Variants in TEX261 observed in about 807,000 individuals in gnomAD.
The protein encoded by TEX261 is testis expressed 261, also known as protein TEX261.
A neutral mutation model predicts 25.1 loss-of-function variants in TEX261; 13 were observed. The ratio of observed to expected loss-of-function variants is 0.52; its 90% CI spans 0.34 to 0.82. The LOEUF (loss-of-function observed/expected upper bound fraction) is 0.82, where lower values mean the gene tolerates loss of function less well. TEX261 is among the 40% of genes least tolerant of loss of function. TEX261 has a pLI of 0.02. For missense variants in TEX261, 206 were observed against 243.2 expected (o/e 0.85, Z 1.02); for synonymous variants, 92 against 97.8 (o/e 0.94, Z 0.35).
Position 70,988,405 on chromosome 2 carries a change from GT to G in TEX261, c.*194del. ...GCCACCCTCCTTGGTGCCCTCTGAGGTTACAGCCTCTTGAAGCATCAGATCT... is the reference window on the plus strand; with the variant it reads ...GCCACCCTCCTTGGTGCCCTCTGAGGTACAGCCTCTTGAAGCATCAGATCT... On this transcript the variant is annotated 3_prime_UTR_variant, in exon 6 of 6. Transcript: ENST00000272438. 1.7e-6 allele frequency: 1 copy of G among 578,940 alleles called. No individual in the cohort carries two copies. Among genetic ancestry groups the G allele is most frequent in the Non-Finnish European group, 3.1e-6 (1 of 323,948 alleles). 35.9% of individuals were successfully genotyped at this position (578,940 alleles called of 1,614,324 possible).
At chr2:70,992,014 C>A in intron 2 of TEX261, 31 bp from the exon 3 acceptor site, 1 of 1,543,458 alleles carries the variant, frequency 6.5e-7, no homozygotes, top group Non-Finnish European at 8.7e-7. Flanking sequence ...CAGTGCAGGG[C>A]GCTTCTTCCA....
chr2:70,992,027 C>G (rs782102935), intron 2 of TEX261, 44 bp from the exon 3 acceptor site: 1 of 1,530,396 alleles, frequency 6.5e-7, no homozygotes, highest in Admixed American at 2.0e-5. Flanking sequence ...TTCTTCCAGG[C>G]AACGTTCCTG....
At chr2:70,994,662 C>T in intron 1 of TEX261, 26 bp downstream of exon 1, 1 of 1,575,780 alleles carries the variant, frequency 6.3e-7, no homozygotes, top group Non-Finnish European at 8.6e-7. Flanking sequence ...CGGGAGCCCG[C>T]GCGGGCCGGG....
In TEX261 at chr2:70,991,829, C is replaced by T. The variant is rs147705622; in HGVS notation, c.304+1G>A. On this transcript the variant is annotated splice_donor_variant, in intron 3 of 5. Coordinates refer to ENST00000272438, the MANE Select transcript of TEX261 (RefSeq NM_144582.3). LOFTEE classifies it high-confidence loss of function. ...GCCTCCCCAACTCTGTCCCCTCTCA[C>T]CACACGACAGGATGAAGTTAGGCGA... is the stretch of plus-strand genomic sequence containing the variant. The T allele has an allele frequency of 6.2e-7, 1 of 1,612,926 alleles. No homozygotes were observed. The highest frequency in any genetic ancestry group is 1.3e-5 in the African/African-American group (1 of 74,886).
chr2:70,994,829 G>C lies in TEX261; in HGVS notation c.-72C>G, dbSNP rs1348125135. 7.8e-7 allele frequency: 1 copy of C among 1,282,724 alleles called. No homozygotes were observed. The highest frequency in any genetic ancestry group is 9.9e-7 in the Non-Finnish European group (1 of 1,014,896). The allele number at this position is 1,282,724 out of a possible 1,614,324, so 79.5% of individuals were successfully genotyped here. On this transcript the variant is annotated 5_prime_UTR_variant, in exon 1 of 6. Coordinates refer to ENST00000272438, the MANE Select transcript of TEX261 (RefSeq NM_144582.3). ...GCTTCGGCTCCGGCGACACACAGCC[G>C]CCACCGCCGCCGCCGCCGCCGCGTC...
intron 3 of TEX261, 52 bp downstream of exon 3, chr2:70,991,778 G>T: frequency 6.3e-7 from 1 of 1,593,970 alleles, no homozygotes; most frequent in Non-Finnish European, 8.6e-7. Flanking sequence ...CCAGGATGGA[G>T]ATGGGCACAC....
Position 70,987,762 on chromosome 2 carries a change from C to A in TEX261, c.*838G>T, listed in dbSNP as rs981683203. On this transcript the variant is annotated 3_prime_UTR_variant, in exon 6 of 6. Transcript: ENST00000272438. The stretch of plus-strand genomic sequence containing the variant: ...AGATAGTATTCAGCCAGAAACCACT[C>A]CTTTTCCCAGAGGAAGATTTATAAA... 1 of 152,222 alleles carries A rather than the reference C, an allele frequency of 6.6e-6. No individual in the cohort carries two copies. The highest frequency in any genetic ancestry group is 1.5e-5 in the Non-Finnish European group (1 of 68,040). 9.4% of individuals were successfully genotyped at this position (152,222 alleles called of 1,614,324 possible).
In TEX261 at chr2:70,988,641, T is replaced by G; in HGVS notation, c.550A>C (p.Ile184Leu). Residue 184 changes from isoleucine to leucine, a missense_variant, in exon 6 of 6, where the codon ATC becomes CTC. Transcript: ENST00000272438. ...RLGILVVFSF[I>L]KEAILPSRQK... ...CGACTGGGTAGAATGGCCTCTTTGA[T>G]GAAGGAGAAGACAACCAGGATCCCT... is the stretch of plus-strand genomic sequence containing the variant. The G allele has an allele frequency of 6.2e-7, 1 of 1,614,164 alleles. No homozygotes were observed. Among genetic ancestry groups the G allele is most frequent in the Non-Finnish European group, 8.5e-7 (1 of 1,180,038 alleles).
At chr2:70,991,793 C>A (rs1553425648) in intron 3 of TEX261, 37 bp downstream of exon 3, 3 of 1,606,346 alleles carry the variant, frequency 1.9e-6, no homozygotes, top group Admixed American at 3.4e-5. Context: ...GCACACCCAA[C>A]CACATCAGCT....
At position 70,989,608 on chromosome 2, in the gene TEX261, T is replaced by C; in HGVS notation, c.372+141A>G. On this transcript the variant is annotated intron_variant, in intron 4 of 5. Transcript: ENST00000272438. Reference sequence around the variant, plus strand: ...CCATCCACACAGCTTTCTCAAACCATCTATGTTTTGTTTTTTTCAAACATG... The same window carrying C: ...CCATCCACACAGCTTTCTCAAACCACCTATGTTTTGTTTTTTTCAAACATG... 1.2e-5 allele frequency: 8 copies of C among 670,026 alleles called. No individual in the cohort carries two copies. The East Asian group carries it at 1.4e-4, about 12-fold the overall frequency. 41.5% of individuals were successfully genotyped at this position (670,026 alleles called of 1,614,324 possible). A position where few individuals can be genotyped will look rare whatever the true frequency, so the allele number is the denominator to read the frequency against.
intron 1 of TEX261, 24 bp from the exon 2 acceptor site, chr2:70,993,799 CTAT>C: frequency 2.5e-6 from 4 of 1,599,506 alleles, no homozygotes; most frequent in Admixed American, 1.7e-5. Context: ...GGCAGGGAGA[CTAT>C]CAGCCAGGGT....
chr2:70,990,527 G>C (rs1018548959), intron 3 of TEX261, among the ~76,000 whole-genome samples: 2 of 152,156 alleles, frequency 1.3e-5, no homozygotes, highest in African/African-American at 4.8e-5. Context: ...TCAAGAGACA[G>C]TCATCCCTGC....
intron 5 of TEX261, 24 bp from the exon 6 acceptor site, chr2:70,988,739 T>A: frequency 6.4e-7 from 1 of 1,564,080 alleles, no homozygotes; most frequent in East Asian, 2.3e-5. Context: ...GGCAAGAATA[T>A]GAGAGAGAGA....
chr2:70,989,926 A>G (rs1397215931), intron 3 of TEX261, 110 bp from the exon 4 acceptor site: 2 of 767,484 alleles, frequency 2.6e-6, no homozygotes, highest in African/African-American at 1.7e-5. Context: ...CTTAGGCCTG[A>G]CTTTACACTC....
rs1222716273 is a variant in TEX261, at chr2:70,994,818, G to C, written c.-61C>G. The C allele has an allele frequency of 8.2e-5, 112 of 1,361,618 alleles. 1 individual carries two copies. Among genetic ancestry groups the C allele is most frequent in the Non-Finnish European group, 1.0e-4 (106 of 1,053,830 alleles). 84.3% of individuals were successfully genotyped at this position (1,361,618 alleles called of 1,614,324 possible). ...CGGGCCTGCGCGCTTCGGCTCCGGC[G>C]ACACACAGCCGCCACCGCCGCCGCC... On this transcript the variant is annotated 5_prime_UTR_variant, in exon 1 of 6. Transcript: ENST00000272438.
intron 4 of TEX261, 147 bp from the exon 5 acceptor site, chr2:70,989,164 C>T: frequency 1.5e-6 from 1 of 676,426 alleles, no homozygotes; most frequent in Non-Finnish European, 2.6e-6. Context: ...GAACGCCACC[C>T]TCAGACATGG....
intron 4 of TEX261, chr2:70,989,483 C>T (rs1354877521): frequency 6.2e-6 from 3 of 481,292 alleles, no homozygotes; most frequent in East Asian, 7.7e-5. Context: ...ACCCTAGTAC[C>T]CCTTCCTGAC....
intron 1 of TEX261, 128 bp downstream of exon 1, chr2:70,994,560 G>T: frequency 7.4e-7 from 1 of 1,354,020 alleles, no homozygotes; most frequent in Non-Finnish European, 1.0e-6. Flanking sequence ...GGAAGGGGTT[G>T]GGGCGGCGAA....
Position 70,993,701 on chromosome 2 carries a change from T to C in TEX261, c.145A>G (p.Ile49Val). ...TGGAGAAAGATGCCACTTACCCAGA[T>C]CATGTATTTTATGATCCTGCTGGTG... ...VATSRIIKYM[I>V]WFSTAVLIGL... Residue 49 changes from isoleucine to valine, a missense_variant, in exon 2 of 6, where the codon ATC (isoleucine) becomes GTC (valine). By Grantham distance (29) the Ile-to-Val change is conservative. Transcript: ENST00000272438. 6.2e-7 allele frequency: 1 copy of C among 1,613,504 alleles called. No homozygotes were observed. The highest frequency in any genetic ancestry group is 8.5e-7 in the Non-Finnish European group (1 of 1,179,624).
Sources: gnomAD v4.1 joint callset for allele counts (sites outside exome capture counted in the v4.1 genomes callset) on GRCh38, gnomAD v4.1.1 for gene constraint, MANE v1.5 for transcripts, NCBI Gene and HGNC (gene_info 2026-07-23, HGNC 2026-07-21) for gene names.